The following NEBL variants were observed in gnomAD, a reference collection of about 807,000 sequenced individuals.
NEBL encodes the protein LIM and SH3 protein 2.
Under a neutral mutation model 140.2 loss-of-function variants are expected in NEBL, and 122 were observed. The observed-to-expected ratio is 0.87, with a 90% CI of 0.75 to 1.01. The LOEUF is 1.01. NEBL is among the 50% of genes least tolerant of loss of function. The pLI, the probability that NEBL is intolerant of heterozygous loss-of-function variation, is 0.00. For synonymous variants in NEBL, 436 were observed against 398.9 expected (o/e 1.09, Z -1.11); for missense variants, 1,365 against 1,231.3 (o/e 1.11, Z -1.62).
chr10:21,206,996 CAG>C (rs1165720931), intron 3 of NEBL, among the ~76,000 whole-genome samples: 1 of 106,204 alleles, frequency 9.4e-6, no homozygotes, highest in African/African-American at 3.7e-5. Flanking sequence ...TTTTTTTAGA[CAG>C]AGTCTTGCTC....
At chr10:20,934,598 T>G (rs1433665898) in intron 4 of NEBL, among the ~76,000 whole-genome samples, 1 of 152,072 alleles carries the variant, frequency 6.6e-6, no homozygotes, top group Non-Finnish European at 1.5e-5. Flanking sequence ...ATACAGCTCA[T>G]CCAGTGGAGA....
chr10:21,033,265 T>A (rs944502916), intron 2 of NEBL, among the ~76,000 whole-genome samples: 2 of 152,176 alleles, frequency 1.3e-5, no homozygotes, highest in African/African-American at 4.8e-5. Context: ...ACAAAGTTTA[T>A]AAGAAAACAG....
intron 13 of NEBL, among the ~76,000 whole-genome samples, chr10:20,839,302 T>C (rs903504712): frequency 1.3e-5 from 2 of 152,204 alleles, no homozygotes; most frequent in African/African-American, 4.8e-5. Flanking sequence ...AATCTCTGCA[T>C]GTGGATTGGA....
At chr10:21,289,683 A>G (rs1843116236) in intron 1 of NEBL, among the ~76,000 whole-genome samples, 1 of 152,180 alleles carries the variant, frequency 6.6e-6, no homozygotes, top group Admixed American at 6.5e-5. Flanking sequence ...AGCTTTAGGA[A>G]ACTCACAACT....
intron 3 of NEBL, among the ~76,000 whole-genome samples, chr10:21,180,950 A>AT (rs199861699): frequency 6.6e-6 from 1 of 151,916 alleles, no homozygotes; most frequent in Admixed American, 6.6e-5. Flanking sequence ...TCTGCACTGT[A>AT]TTTTTTTTAA....
chr10:21,057,501 C>A (rs116190320), intron 2 of NEBL, among the ~76,000 whole-genome samples: 8 of 105,180 alleles, frequency 7.6e-5, no homozygotes, highest in African/African-American at 3.0e-4. Context: ...ATCTGAAATT[C>A]TGTTAAGAAT....
rs983405940 is a variant in NEBL at position 20,782,470 on chromosome 10, A to G, written c.*3277T>C. 10 of 152,586 alleles carry G rather than the reference A, an allele frequency of 6.6e-5. 1 individual carries two copies. The highest frequency in any genetic ancestry group is 2.4e-4 in the African/African-American group (10 of 41,464). The allele number at this position is 152,586 out of a possible 1,614,324, so 9.5% of individuals were successfully genotyped here. Reference sequence around the variant, plus strand: ...CCTTGAACTTCCACTATCTTTTTAGAAAAAGTCTTGTTCCTCATTCCCAGA... The same window carrying G: ...CCTTGAACTTCCACTATCTTTTTAGGAAAAGTCTTGTTCCTCATTCCCAGA... On this transcript the variant is annotated 3_prime_UTR_variant, in exon 28 of 28. Coordinates refer to ENST00000377122, the MANE Select transcript of NEBL (RefSeq NM_006393.3).
intron 2 of NEBL, among the ~76,000 whole-genome samples, chr10:21,089,715 C>T (rs1411125384): frequency 6.6e-6 from 1 of 152,136 alleles, no homozygotes; most frequent in East Asian, 1.9e-4. Context: ...CCTTCACTCA[C>T]CAATGTGCTT....
chr10:20,958,000 C>A (rs1835884750), intron 4 of NEBL, among the ~76,000 whole-genome samples: 1 of 152,178 alleles, frequency 6.6e-6, no homozygotes, highest in Non-Finnish European at 1.5e-5. Context: ...TTTCCCAAGG[C>A]TAGCCTGAGT....
At chr10:21,215,230 G>A (rs987544360) in intron 3 of NEBL, among the ~76,000 whole-genome samples, 1 of 152,166 alleles carries the variant, frequency 6.6e-6, no homozygotes, top group African/African-American at 2.4e-5. Flanking sequence ...GATTTCTTGA[G>A]GCCAGGAGTT....
chr10:20,933,595 G>A lies in NEBL; in HGVS notation c.357+28077C>T, dbSNP rs80123190. Among the ~76,000 whole-genome samples the A allele has an allele frequency of 4.0e-3, 612 of 152,280 alleles. 20 individuals carry two copies. The highest frequency in any genetic ancestry group is 0.028 in the Admixed American group (429 of 15,290). ...CTAAAAATACAAAAATTAGCCGGGT[G>A]TGGTGGCACGTGCCTGTAATCCCAG... On this transcript the variant is annotated intron_variant, in intron 4 of 6. Coordinates refer to the NEBL transcript ENST00000417816.
intron 4 of NEBL, among the ~76,000 whole-genome samples, chr10:20,911,283 C>T (rs555575436): frequency 6.6e-6 from 1 of 152,230 alleles, no homozygotes; most frequent in East Asian, 1.9e-4. Flanking sequence ...ATCAGGATCC[C>T]CAAACTGAAG....
At chr10:20,946,505 AG>A (rs1184638559) in intron 4 of NEBL, among the ~76,000 whole-genome samples, 2 of 152,146 alleles carry the variant, frequency 1.3e-5, no homozygotes, top group African/African-American at 4.8e-5. Context: ...TCTGTCACCC[AG>A]GCTGAAGTGC....
chr10:21,280,104 A>C (rs1842973479), intron 1 of NEBL, among the ~76,000 whole-genome samples: 1 of 152,142 alleles, frequency 6.6e-6, no homozygotes, highest in African/African-American at 2.4e-5. Context: ...CCTAGAACCC[A>C]AGTGGATCTT....
chr10:21,290,448 G>C (rs913052075), intron 1 of NEBL, among the ~76,000 whole-genome samples: 1 of 152,164 alleles, frequency 6.6e-6, no homozygotes, highest in Non-Finnish European at 1.5e-5. Flanking sequence ...CACTCTGGAA[G>C]TTTCTTTATC....
chr10:20,909,246 A>AT (rs1026623656), intron 4 of NEBL, among the ~76,000 whole-genome samples: 10,191 of 141,426 alleles, frequency 0.072, 572 homozygotes, highest in East Asian at 0.19. Flanking sequence ...CGTTCATTCT[A>AT]TTTTTTTTTT....
At chr10:20,788,621 T>C (rs1486036525) in intron 26 of NEBL, among the ~76,000 whole-genome samples, 2 of 152,236 alleles carry the variant, frequency 1.3e-5, no homozygotes, top group African/African-American at 4.8e-5. Flanking sequence ...TTATGCTTAA[T>C]GTCCAGATAG....
chr10:21,081,709 A>G (rs1836377377), intron 2 of NEBL, among the ~76,000 whole-genome samples: 2 of 152,072 alleles, frequency 1.3e-5, no homozygotes, highest in African/African-American at 2.4e-5. Context: ...GGGATGGGGG[A>G]GGAAAAATAT....
chr10:21,069,078 A>G (rs1331073533), intron 2 of NEBL, among the ~76,000 whole-genome samples: 5 of 152,138 alleles, frequency 3.3e-5, no homozygotes, highest in Non-Finnish European at 7.4e-5. Context: ...TTGTAGAGAC[A>G]GTGTCTCACT....
Sources: allele counts gnomAD v4.1 joint callset (sites outside exome capture counted in the v4.1 genomes callset), GRCh38; gene constraint gnomAD v4.1.1; transcripts MANE v1.5; gene names NCBI Gene and HGNC (gene_info 2026-07-23, HGNC 2026-07-21).